The following FAM169A variants were observed in gnomAD, a reference collection of about 807,000 sequenced individuals.
FAM169A encodes soluble lamin-associated protein of 75 kDa.
Under a neutral mutation model 75.7 loss-of-function variants are expected in FAM169A, and 24 were observed. That is an observed-to-expected ratio of 0.32 (90% CI 0.23 to 0.45). The LOEUF (loss-of-function observed/expected upper bound fraction) is 0.45, where lower values mean the gene tolerates loss of function less well. Among genes scored for constraint, FAM169A ranks in the 20% least tolerant of loss-of-function variants. The pLI, the probability that FAM169A is intolerant of heterozygous loss-of-function variation, is 1.00. For synonymous variants in FAM169A, 271 were observed against 271.0 expected (o/e 1.00, Z 0.00); for missense variants, 673 against 784.0 (o/e 0.86, Z 1.69).
chr5:74,783,080 A>G lies in FAM169A; in HGVS notation c.1315T>C (p.Ser439Pro). 1 of 1,613,804 alleles carries G rather than the reference A, an allele frequency of 6.2e-7. No homozygotes were observed. Among genetic ancestry groups the G allele is most frequent in the African/African-American group, 1.3e-5 (1 of 75,042 alleles). ...GEIMDDSLKTSLITEEEDSTS... is the reference protein window; with the variant it reads ...GEIMDDSLKTPLITEEEDSTS... ...GAGTCTTCCTCTTCTGTTATAAGTG[A>G]GGTCTTAAGAGAATCGTCCATTATC... Residue 439 changes from serine (S) to proline (P), a missense_variant, in exon 12 of 13, where the codon TCA (serine) becomes CCA (proline). This residue lies in a region of FAM169A where 510 missense variants were observed against 550.9 expected (regional missense o/e 0.93). Coordinates refer to ENST00000687041, the MANE Select transcript of FAM169A (RefSeq NM_001376049.1).
At chr5:74,848,799 T>C (rs907407530) in intron 1 of FAM169A, 27 of 152,176 alleles carry the variant, frequency 1.8e-4, no homozygotes, top group African/African-American at 6.5e-4. Context: ...TCTGCTACTA[T>C]AGTTTAGAGA....
intron 5 of FAM169A, among the ~76,000 whole-genome samples, chr5:74,816,826 T>C (rs1047894228): frequency 1.6e-4 from 24 of 152,200 alleles, no homozygotes. Flanking sequence ...TTTTTCTATG[T>C]GCTCTGAGTA....
intron 4 of FAM169A, among the ~76,000 whole-genome samples, chr5:74,837,599 T>C (rs1191460308): frequency 6.6e-6 from 1 of 152,150 alleles, no homozygotes; most frequent in African/African-American, 2.4e-5. Context: ...CTGCTGCCAC[T>C]GCCCCTTTAA....
chr5:74,841,219 A>G (rs1748845280), intron 2 of FAM169A, among the ~76,000 whole-genome samples: 1 of 152,218 alleles, frequency 6.6e-6, no homozygotes, highest in African/African-American at 2.4e-5. Flanking sequence ...TGTTTTGCTG[A>G]TTTTTTAATT....
chr5:74,866,811 GA>G, upstream of FAM169A: 1 of 985,580 alleles, frequency 1.0e-6, no homozygotes, highest in Non-Finnish European at 1.2e-6. Context: ...AGGCCCTCCT[GA>G]AATTTACCCA....
chr5:74,834,433 C>A lies in FAM169A; in HGVS notation c.483G>T (p.Lys161Asn), dbSNP rs1326435148. The A allele has an allele frequency of 3.3e-6, 5 of 1,507,312 alleles. No individual in the cohort carries two copies. The highest frequency in any genetic ancestry group is 3.6e-6 in the Non-Finnish European group (4 of 1,123,624). The allele number at this position is 1,507,312 out of a possible 1,614,324, so 93.4% of individuals were successfully genotyped here. The part of the protein sequence containing the change: ...KGEAIGFYSV[K>N]PTGSICASFL... Reference sequence around the variant, plus strand: ...TAACTTTTAAAGACTCACCTGTAGGCTTAACTGAATAAAACCCAATGGCCT... The same window carrying A: ...TAACTTTTAAAGACTCACCTGTAGGATTAACTGAATAAAACCCAATGGCCT... The change falls in exon 5 of 13, where the codon AAG (lysine) becomes AAT (asparagine). Residue 161 changes from lysine to asparagine, a missense_variant. Lys to Asn is a moderately conservative substitution (Grantham distance 94). Coordinates refer to ENST00000687041, the MANE Select transcript of FAM169A (RefSeq NM_001376049.1).
At chr5:74,829,072 T>C (rs1199405553) in intron 5 of FAM169A, among the ~76,000 whole-genome samples, 3 of 152,196 alleles carry the variant, frequency 2.0e-5, no homozygotes, top group East Asian at 1.9e-4. Context: ...CTGAATAAAC[T>C]AAAAATATTA....
rs747312999 is a variant in FAM169A at position 74,782,056 on chromosome 5, A to G, written c.1465-48T>C. 18 of 1,423,386 alleles carry G rather than the reference A, an allele frequency of 1.3e-5. No homozygotes were observed. The South Asian group carries it at 2.2e-4, about 18-fold the overall frequency. The allele number at this position is 1,423,386 out of a possible 1,614,324, so 88.2% of individuals were successfully genotyped here. A position where few individuals can be genotyped will look rare whatever the true frequency, so the allele number is the denominator to read the frequency against. Reference sequence around the variant, plus strand: ...ACAAATAAACTTGTACTACAGTTCTAAAAATAAATTCTCAGGCTCTAATAT... The same window carrying G: ...ACAAATAAACTTGTACTACAGTTCTGAAAATAAATTCTCAGGCTCTAATAT... On this transcript the variant is annotated intron_variant, in intron 12 of 12. Transcript: ENST00000687041.
At chr5:74,799,580 C>CA in intron 10 of FAM169A, 1 of 1,486,918 alleles carries the variant, frequency 6.7e-7, no homozygotes, top group Non-Finnish European at 9.4e-7. Context: ...CAGCTGATGT[C>CA]AGAGTCTGGT....
intron 1 of FAM169A, among the ~76,000 whole-genome samples, chr5:74,851,433 C>T (rs1749440225): frequency 6.6e-6 from 1 of 152,164 alleles, no homozygotes; most frequent in Admixed American, 6.5e-5. Flanking sequence ...AGGTGCTCAA[C>T]AGTTGGAACA....
chr5:74,840,577 C>T (rs1187019602), intron 2 of FAM169A, among the ~76,000 whole-genome samples: 1 of 151,048 alleles, frequency 6.6e-6, no homozygotes, highest in Admixed American at 6.6e-5. Flanking sequence ...ACCTGTAATC[C>T]CAGCACTCTG....
intron 1 of FAM169A, 35 bp from the exon 2 acceptor site, chr5:74,841,714 T>C (rs756813742): frequency 6.4e-7 from 1 of 1,558,092 alleles, no homozygotes; most frequent in South Asian, 1.2e-5. Context: ...CAATTCAGAA[T>C]ATGAAACGCC....
At chr5:74,858,757 T>TA (rs562017106) in intron 1 of FAM169A, among the ~76,000 whole-genome samples, 17 of 151,560 alleles carry the variant, frequency 1.1e-4, no homozygotes, top group Non-Finnish European at 2.2e-4. Flanking sequence ...AATTAAAAAG[T>TA]AAAAAAAAAT....
chr5:74,799,040 GA>G, intron 10 of FAM169A: 5 of 1,082,984 alleles, frequency 4.6e-6, no homozygotes, highest in Non-Finnish European at 7.1e-6. Context: ...TGTCGTGCCT[GA>G]AACAGGGATC....
chr5:74,811,273 A>C (rs1304344654), intron 6 of FAM169A, among the ~76,000 whole-genome samples: 1 of 152,158 alleles, frequency 6.6e-6, no homozygotes, highest in East Asian at 1.9e-4. Context: ...GGAAGATAGA[A>C]ATTAGCTGAT....
chr5:74,848,251 T>C (rs753036237), intron 1 of FAM169A, among the ~76,000 whole-genome samples: 1 of 152,140 alleles, frequency 6.6e-6, no homozygotes. Context: ...TTGAGAAATA[T>C]CCCTTTATCA....
At chr5:74,841,092 T>C (rs1000634689) in intron 2 of FAM169A, among the ~76,000 whole-genome samples, 1 of 152,166 alleles carries the variant, frequency 6.6e-6, no homozygotes, top group Non-Finnish European at 1.5e-5. Flanking sequence ...GAAACCCTAA[T>C]GGTTCCAAGT....
At position 74,811,112 on chromosome 5, in the gene FAM169A, T is replaced by G. The variant is rs539082037; in HGVS notation, c.670+2728A>C. 3.4e-4 allele frequency among the ~76,000 whole-genome samples: 52 copies of G among 151,758 alleles called. No individual in the cohort carries two copies. The East Asian group carries it at 6.8e-3, about 20-fold the overall frequency. On this transcript the variant is annotated intron_variant, in intron 6 of 12. Transcript: ENST00000687041. Reference sequence around the variant, plus strand: ...AAATCTGGTGACTCAGCCTTCTGAGTAGCTGGGATTACAGACATGTGCCAC... The same window carrying G: ...AAATCTGGTGACTCAGCCTTCTGAGGAGCTGGGATTACAGACATGTGCCAC...
At chr5:74,864,653 CAT>C (rs1160697637) in intron 1 of FAM169A, among the ~76,000 whole-genome samples, 11 of 152,228 alleles carry the variant, frequency 7.2e-5, no homozygotes, top group Non-Finnish European at 1.5e-5. Context: ...TATGGTCACT[CAT>C]GTGGAAGGTC....
Sources: gnomAD v4.1 joint callset for allele counts (sites outside exome capture counted in the v4.1 genomes callset) on GRCh38, gnomAD v4.1.1 for gene constraint, gnomAD v4.1.1 regional missense constraint, MANE v1.5 for transcripts, NCBI Gene and HGNC (gene_info 2026-07-23, HGNC 2026-07-21) for gene names.